Variants in TLL1 observed in about 807,000 individuals in gnomAD.
TLL1 encodes the protein tolloid-like protein 1.
In TLL1, 49 loss-of-function variants were observed where a neutral mutation model predicts 128.2. The observed-to-expected ratio is 0.38, with a 90% CI of 0.30 to 0.48. TLL1 has a LOEUF of 0.48. TLL1 is among the 20% of genes least tolerant of loss of function. The pLI is 0.96. For missense variants in TLL1, 1,123 were observed against 1,242.0 expected, an observed-to-expected ratio of 0.90 and a Z score of 1.44; for synonymous variants, 454 against 418.8, an observed-to-expected ratio of 1.08 and a Z score of -1.03.
chr4:166,065,189 C>G (rs773071368), intron 15 of TLL1, among the ~76,000 whole-genome samples: 1 of 152,004 alleles, frequency 6.6e-6, no homozygotes, highest in Non-Finnish European at 1.5e-5. Flanking sequence ...CTGCAGCAAC[C>G]CTACAGAGTA....
At chr4:165,983,260 A>G (rs1297102408) in intron 1 of TLL1, among the ~76,000 whole-genome samples, 4 of 151,904 alleles carry the variant, frequency 2.6e-5, no homozygotes, top group African/African-American at 9.7e-5. Context: ...GTGGGCTATA[A>G]GTGCAGATTG....
At chr4:165,932,907 C>G (rs768880474) in intron 1 of TLL1, among the ~76,000 whole-genome samples, 2 of 151,980 alleles carry the variant, frequency 1.3e-5, no homozygotes, top group Non-Finnish European at 2.9e-5. Context: ...AGTGTAAATT[C>G]CAGTTGGATA....
chr4:166,038,220 CCTT>C (rs1446509469), intron 9 of TLL1, among the ~76,000 whole-genome samples: 1 of 152,092 alleles, frequency 6.6e-6, no homozygotes, highest in Non-Finnish European at 1.5e-5. Context: ...CTTCCTCTCT[CCTT>C]CTCTGCCTTT....
Position 166,101,769 on chromosome 4 carries a change from G to T in TLL1, c.*893G>T, listed in dbSNP as rs1309830427. The T allele has an allele frequency of 2.0e-5, 3 of 152,386 alleles. No individual in the cohort carries two copies. In the East Asian group the frequency reaches 5.8e-4, roughly 30 times the overall value. 9.4% of individuals were successfully genotyped at this position (152,386 alleles called of 1,614,324 possible). A position where few individuals can be genotyped will look rare whatever the true frequency, so the allele number is the denominator to read the frequency against. On this transcript the variant is annotated 3_prime_UTR_variant, in exon 21 of 21. Transcript: ENST00000061240. ...TACTCAAGTTACTGCTGCTGCTATT[G>T]TCTTTCCTTTGTTGTCGATCTGTTA...
intron 5 of TLL1, among the ~76,000 whole-genome samples, chr4:165,999,657 A>G (rs1156905832): frequency 6.7e-6 from 1 of 149,760 alleles, no homozygotes; most frequent in Non-Finnish European, 1.5e-5. Context: ...TTTTTTTTGT[A>G]AAAATGAGGT....
chr4:166,044,750 A>G (rs1272631133), intron 12 of TLL1, among the ~76,000 whole-genome samples: 1 of 152,160 alleles, frequency 6.6e-6, no homozygotes, highest in African/African-American at 2.4e-5. Flanking sequence ...AAAGGCTCAT[A>G]AAAATTATCC....
At chr4:165,879,630 G>T (rs1730891070) in intron 1 of TLL1, among the ~76,000 whole-genome samples, 1 of 151,764 alleles carries the variant, frequency 6.6e-6, no homozygotes, top group African/African-American at 2.4e-5. Flanking sequence ...TTAAAACTAG[G>T]ACCCTCCTTA....
chr4:165,966,869 T>C (rs149025463), intron 1 of TLL1, among the ~76,000 whole-genome samples: 1 of 152,178 alleles, frequency 6.6e-6, no homozygotes, highest in Admixed American at 6.5e-5. Context: ...GGGCACGCAT[T>C]ATCATTGTTA....
At chr4:165,934,692 G>A (rs889684961) in intron 1 of TLL1, among the ~76,000 whole-genome samples, 3 of 152,156 alleles carry the variant, frequency 2.0e-5, no homozygotes, top group Admixed American at 6.5e-5. Context: ...GGGTTGATTT[G>A]ATTCCAACAG....
At position 165,994,449 on chromosome 4, in the gene TLL1, C is replaced by T. The variant is rs746817970; in HGVS notation, c.430C>T (p.Arg144Ter). The T allele has an allele frequency of 3.1e-6, 5 of 1,613,862 alleles. No individual in the cohort carries two copies. The highest frequency in any genetic ancestry group is 1.3e-5 in the African/African-American group (1 of 74,914). Residue 144 changes from arginine to a stop codon, truncating the protein, a stop_gained, in exon 4 of 21, where the codon CGA (arginine) becomes TGA (stop). Coordinates refer to ENST00000061240, the MANE Select transcript of TLL1 (RefSeq NM_012464.5). LOFTEE classifies it high-confidence loss of function. Reference sequence around the variant, plus strand: ...ATTCTCAGGGCAAAATGAGAAAAATCGAGTTCCCAGAGCCGCTACATCAAG... The same window carrying T: ...ATTCTCAGGGCAAAATGAGAAAAATTGAGTTCCCAGAGCCGCTACATCAAG... ...LQFSGQNEKN[R>*]VPRAATSRTE...
rs1446381392 is a variant in TLL1 at position 165,873,420 on chromosome 4, G to A, written c.-485G>A. On this transcript the variant is annotated 5_prime_UTR_variant, in exon 1 of 21. Coordinates refer to ENST00000061240, the MANE Select transcript of TLL1 (RefSeq NM_012464.5). ...GGATTCATCTTCTCGGAGCTGCGGC[G>A]GCGGCTTTGGGCTCAGGCGGCGGCG... 3 of 153,014 alleles carry A rather than the reference G, an allele frequency of 2.0e-5. No homozygotes were observed. Among genetic ancestry groups the A allele is most frequent in the Admixed American group, 6.5e-5 (1 of 15,282 alleles). 9.5% of individuals were successfully genotyped at this position (153,014 alleles called of 1,614,324 possible).
chr4:166,019,645 G>A (rs1331551653), intron 8 of TLL1, among the ~76,000 whole-genome samples: 1 of 152,084 alleles, frequency 6.6e-6, no homozygotes, highest in Non-Finnish European at 1.5e-5. Flanking sequence ...TCTGTGATAA[G>A]TGGGGCCTTG....
At chr4:166,021,673 C>T (rs1282262433) in intron 8 of TLL1, among the ~76,000 whole-genome samples, 1 of 152,098 alleles carries the variant, frequency 6.6e-6, no homozygotes, top group African/African-American at 2.4e-5. Flanking sequence ...CCTCATGATC[C>T]ACCCGCCTCG....
chr4:165,927,442 G>C (rs1373358100), intron 1 of TLL1, among the ~76,000 whole-genome samples: 2 of 152,074 alleles, frequency 1.3e-5, no homozygotes, highest in African/African-American at 4.8e-5. Flanking sequence ...TGTTGCATTA[G>C]CAGCCATAGA....
intron 1 of TLL1, among the ~76,000 whole-genome samples, chr4:165,933,758 AC>A (rs1305577618): frequency 6.6e-5 from 10 of 151,892 alleles, no homozygotes; most frequent in Non-Finnish European, 1.5e-5. Flanking sequence ...CTCCACAGAC[AC>A]TTCCCTCCCA....
chr4:165,877,132 T>C (rs1018319674), intron 1 of TLL1, among the ~76,000 whole-genome samples: 1 of 152,242 alleles, frequency 6.6e-6, no homozygotes, highest in African/African-American at 2.4e-5. Context: ...CCTCAACACA[T>C]TTGTGAAATA....
chr4:166,058,488 C>A (rs928755698), intron 14 of TLL1, among the ~76,000 whole-genome samples: 2 of 152,110 alleles, frequency 1.3e-5, no homozygotes, highest in Admixed American at 1.3e-4. Context: ...ATCTGCATTT[C>A]GTCTTTATGT....
At chr4:165,989,858 A>C (rs915859759) in intron 2 of TLL1, among the ~76,000 whole-genome samples, 3 of 151,872 alleles carry the variant, frequency 2.0e-5, no homozygotes, top group Non-Finnish European at 2.9e-5. Context: ...CATCATCAGG[A>C]AGTGGCCATG....
At chr4:165,957,398 T>G (rs1354905744) in intron 1 of TLL1, among the ~76,000 whole-genome samples, 2 of 151,898 alleles carry the variant, frequency 1.3e-5, no homozygotes, top group African/African-American at 4.8e-5. Context: ...ACAATAATAG[T>G]GGGGGAACTT....
Sources: allele counts gnomAD v4.1 joint callset (sites outside exome capture counted in the v4.1 genomes callset), GRCh38; gene constraint gnomAD v4.1.1; transcripts MANE v1.5; gene names NCBI Gene and HGNC (gene_info 2026-07-23, HGNC 2026-07-21).